Variants in ADGRL1 observed in about 807,000 individuals in gnomAD.
ADGRL1 encodes CIRL-1.
Under a neutral mutation model 148.9 loss-of-function variants are expected in ADGRL1, and 31 were observed. That is an observed-to-expected ratio of 0.21 (90% CI 0.16 to 0.28). The LOEUF (loss-of-function observed/expected upper bound fraction) is 0.28, where lower values mean the gene tolerates loss of function less well. ADGRL1 is among the 10% of genes least tolerant of loss of function. The pLI is 1.00. For missense variants in ADGRL1, 1,521 were observed against 2,058.8 expected (o/e 0.74, Z 5.05); for synonymous variants, 937 against 900.3 (o/e 1.04, Z -0.73).
Position 14,161,769 on chromosome 19 carries a change from T to C in ADGRL1, c.1196-143A>G. ...TGCCGGGCCCCACTGGGTCTATGAG[T>C]TGATCTCCCCTGGCCGCTCTGTGCC... On this transcript the variant is annotated intron_variant, in intron 5 of 22. Coordinates refer to ENST00000361434, the MANE Select transcript of ADGRL1 (RefSeq NM_014921.5). This position sits in a 1 kb window ranked among gnomAD's most constrained non-coding sequence, Gnocchi z 4.4. 1 of 542,444 alleles carries C rather than the reference T, an allele frequency of 1.8e-6. No individual in the cohort carries two copies. Among genetic ancestry groups the C allele is most frequent in the Non-Finnish European group, 2.9e-6 (1 of 340,830 alleles). The allele number at this position is 542,444 out of a possible 1,614,324, so 33.6% of individuals were successfully genotyped here. A position where few individuals can be genotyped will look rare whatever the true frequency, so the allele number is the denominator to read the frequency against.
chr19:14,178,562 AG>A (rs1426080325), intron 2 of ADGRL1, among the ~76,000 whole-genome samples: 5 of 152,092 alleles, frequency 3.3e-5, no homozygotes, highest in Non-Finnish European at 5.9e-5. Flanking sequence ...TCTGTCACCC[AG>A]GCTGGAGTGC....
chr19:14,185,990 G>A (rs1351216447), intron 1 of ADGRL1, among the ~76,000 whole-genome samples: 2 of 152,218 alleles, frequency 1.3e-5, no homozygotes, highest in African/African-American at 4.8e-5. Flanking sequence ...CTGGTGTATA[G>A]AATGTCCTCT....
chr19:14,159,653 A>C lies in ADGRL1; in HGVS notation c.1840-69T>G. Reference sequence around the variant, plus strand: ...TCTAATTCCTGGGGGTGGGCTCTGCATGCCCTCTTCTCAACCTCCACCCCT... The same window carrying C: ...TCTAATTCCTGGGGGTGGGCTCTGCCTGCCCTCTTCTCAACCTCCACCCCT... On this transcript the variant is annotated intron_variant, in intron 9 of 22. Transcript: ENST00000361434. The surrounding 1 kb of genome is among the most constrained non-coding windows in gnomAD (Gnocchi z 6.0). 1 of 1,595,046 alleles carries C rather than the reference A, an allele frequency of 6.3e-7. No individual in the cohort carries two copies.
intron 3 of ADGRL1, among the ~76,000 whole-genome samples, chr19:14,176,858 G>A (rs534117401): frequency 4.1e-4 from 63 of 151,862 alleles, no homozygotes; most frequent in African/African-American, 1.5e-3. Flanking sequence ...AAAGAGTCTG[G>A]GATGAAGGGA....
chr19:14,158,443 GC>G lies in ADGRL1; in HGVS notation c.2258del (p.Gly753AlafsTer4). On this transcript the variant is annotated frameshift_variant, in exon 12 of 23. Transcript: ENST00000361434. LOFTEE classifies it high-confidence loss of function. ...CCTGTGAGTTCACCACTAGAGAGGC[GC>G]CCCCAGGGCCACCCGGGCCTGCTTC... is the stretch of plus-strand genomic sequence containing the variant. ...AGEAGPGGPGGASLVVNSQVI... is the reference protein window; with the variant it reads ...AGEAGPGGPGXASLVVNSQVI... 6.2e-7 allele frequency: 1 copy of G among 1,613,782 alleles called. No individual in the cohort carries two copies.
chr19:14,159,983 G>T lies in ADGRL1; in HGVS notation c.1800+129C>A, dbSNP rs577768037. 5 of 1,084,694 alleles carry T rather than the reference G, an allele frequency of 4.6e-6. No individual in the cohort carries two copies. The highest frequency in any genetic ancestry group is 1.6e-5 in the African/African-American group (1 of 63,750). The allele number at this position is 1,084,694 out of a possible 1,614,324, so 67.2% of individuals were successfully genotyped here. On this transcript the variant is annotated intron_variant, in intron 8 of 22. Coordinates refer to ENST00000361434, the MANE Select transcript of ADGRL1 (RefSeq NM_014921.5). This position sits in a 1 kb window ranked among gnomAD's most constrained non-coding sequence, Gnocchi z 6.0. ...CCGGCAGTCCTTGGCGGAGAGGGGGGGGTCCTTCCTCTCTGAGGAAAGGAG... is the reference window on the plus strand; with the variant it reads ...CCGGCAGTCCTTGGCGGAGAGGGGGTGGTCCTTCCTCTCTGAGGAAAGGAG...
rs566426810 is a variant in ADGRL1 at position 14,181,125 on chromosome 19, C to G, written c.70+2408G>C. On this transcript the variant is annotated intron_variant, in intron 2 of 22. Transcript: ENST00000361434. ...GTTCCAAGTCCTTCTAGTGAATGAT[C>G]ATACCTGAGTGTTCTCTGGGGGACC... Among the ~76,000 whole-genome samples, 4 of 152,348 alleles carry G rather than the reference C, an allele frequency of 2.6e-5. No homozygotes were observed. In the East Asian group the frequency reaches 5.8e-4, roughly 22 times the overall value.
rs142337147 is a variant in ADGRL1, at chr19:14,162,109, C to A, written c.1196-483G>T. 9.8e-4 allele frequency among the ~76,000 whole-genome samples: 149 copies of A among 152,306 alleles called. 2 individuals carry two copies. In the East Asian group the frequency reaches 0.015, roughly 15 times the overall value. ...TTTTGCAAACAAGATGGGGTTAGAT[C>A]GGGCTCCCTGGAGCCCTGGGGTGGC... On this transcript the variant is annotated intron_variant, in intron 5 of 22. Coordinates refer to ENST00000361434, the MANE Select transcript of ADGRL1 (RefSeq NM_014921.5). The surrounding 1 kb of genome is among the most constrained non-coding windows in gnomAD (Gnocchi z 5.4).
At chr19:14,204,705 A>AGAGAGAGTGAGT (rs899939409) in intron 1 of ADGRL1, among the ~76,000 whole-genome samples, 1 of 71,562 alleles carries the variant, frequency 1.4e-5, no homozygotes, top group Non-Finnish European at 2.7e-5. Flanking sequence ...AGAGAAAGAC[A>AGAGAGAGTGAGT]GAGAGAGTGA....
chr19:14,196,133 A>G (rs1975931), intron 1 of ADGRL1, among the ~76,000 whole-genome samples: 58,371 of 151,936 alleles, frequency 0.38, 11,606 homozygotes, highest in African/African-American at 0.5. Flanking sequence ...TCTATCTGCC[A>G]CCCCTGTCCC....
chr19:14,179,845 G>A (rs1381533664), intron 2 of ADGRL1, among the ~76,000 whole-genome samples: 1 of 152,126 alleles, frequency 6.6e-6, no homozygotes, highest in African/African-American at 2.4e-5. Flanking sequence ...AGGAGGCGGA[G>A]GTTGCAGTGA....
chr19:14,200,284 G>A (rs1392682324), intron 1 of ADGRL1, among the ~76,000 whole-genome samples: 3 of 152,164 alleles, frequency 2.0e-5, no homozygotes, highest in Admixed American at 1.3e-4. Context: ...GAGGAGGTGA[G>A]AGCAGGGAGG....
In ADGRL1 at chr19:14,150,763, A is replaced by C; in HGVS notation, c.*110T>G. 4.5e-6 allele frequency: 6 copies of C among 1,335,870 alleles called. No individual in the cohort carries two copies. The highest frequency in any genetic ancestry group is 1.4e-5 in the South Asian group (1 of 72,870). 82.8% of individuals were successfully genotyped at this position (1,335,870 alleles called of 1,614,324 possible). A position where few individuals can be genotyped will look rare whatever the true frequency, so the allele number is the denominator to read the frequency against. ...GGGCCCATGGCTGAGGGGCACCTGG[A>C]GAGAGTGGCCCACCAGCCACTGCCT... On this transcript the variant is annotated 3_prime_UTR_variant, in exon 23 of 23. Coordinates refer to ENST00000361434, the MANE Select transcript of ADGRL1 (RefSeq NM_014921.5).
intron 2 of ADGRL1, among the ~76,000 whole-genome samples, chr19:14,179,392 G>T (rs1971038554): frequency 6.6e-6 from 1 of 151,984 alleles, no homozygotes; most frequent in Non-Finnish European, 1.5e-5. Context: ...TACTTGGGAG[G>T]CTGAGGAAGG....
At position 14,150,855 on chromosome 19, in the gene ADGRL1, C is replaced by T. The variant is rs766584087; in HGVS notation, c.*18G>A. Reference sequence around the variant, plus strand: ...CCTCCCTGGCCTGGGCCACCAGCCCCTGGTCCATGAGGTGCCCTCAGAGAC... The same window carrying T: ...CCTCCCTGGCCTGGGCCACCAGCCCTTGGTCCATGAGGTGCCCTCAGAGAC... On this transcript the variant is annotated 3_prime_UTR_variant, in exon 23 of 23. Transcript: ENST00000361434. 3.1e-6 allele frequency: 5 copies of T among 1,608,624 alleles called. No individual in the cohort carries two copies.
At chr19:14,203,993 C>T (rs1274069031) in intron 1 of ADGRL1, among the ~76,000 whole-genome samples, 1 of 152,116 alleles carries the variant, frequency 6.6e-6, no homozygotes, top group African/African-American at 2.4e-5. Context: ...AGGGCCGGGA[C>T]CCACATGTGA....
At chr19:14,195,490 T>TGGGGATC (rs1972203302) in intron 1 of ADGRL1, among the ~76,000 whole-genome samples, 1 of 144,922 alleles carries the variant, frequency 6.9e-6, no homozygotes, top group South Asian at 2.4e-4. Flanking sequence ...GGAACCAAGG[T>TGGGGATC]GGGGATCTGG....
At chr19:14,172,362 C>A (rs1256743711) in intron 3 of ADGRL1, among the ~76,000 whole-genome samples, 6 of 152,058 alleles carry the variant, frequency 3.9e-5, no homozygotes, top group African/African-American at 1.4e-4. Context: ...GCGGAGGTTG[C>A]AGTGAGCCAA....
At position 14,161,319 on chromosome 19, in the gene ADGRL1, C is replaced by T. The variant is rs148898749; in HGVS notation, c.1503G>A (p.Gly501=). 1.8e-4 allele frequency: 280 copies of T among 1,588,808 alleles called. 1 individual carries two copies. Among genetic ancestry groups the T allele is most frequent in the Admixed American group, 1.8e-4 (10 of 56,860 alleles). Residue 501 remains glycine (G), a synonymous_variant, in exon 6 of 23, where the codon GGG becomes GGA. Transcript: ENST00000361434. This position sits in a 1 kb window ranked among gnomAD's most constrained non-coding sequence, Gnocchi z 4.4. ...GMLVERPCPK[G]TRGIASFQCL... The stretch of plus-strand genomic sequence containing the variant: ...TGCAGCCTCTGTACTCACCTCGAGT[C>T]CCCTTGGGGCAGGGCCTCTCCACCA...
Sources: gnomAD v4.1 joint callset for allele counts (sites outside exome capture counted in the v4.1 genomes callset) on GRCh38, gnomAD v4.1.1 for gene constraint, Gnocchi (gnomAD v3.1) non-coding constraint, MANE v1.5 for transcripts, NCBI Gene and HGNC (gene_info 2026-07-23, HGNC 2026-07-21) for gene names.